The following PLCH1 variants were observed in gnomAD, a reference collection of about 807,000 sequenced individuals.
PLCH1 encodes phospholipase C eta 1, also known as 1-phosphatidylinositol 4,5-bisphosphate phosphodiesterase eta-1.
Under a neutral mutation model 126.7 loss-of-function variants are expected in PLCH1, and 60 were observed. That is an observed-to-expected ratio of 0.47 (90% confidence interval 0.38 to 0.59). PLCH1 has a LOEUF of 0.59. Among genes scored for constraint, PLCH1 ranks in the 20% least tolerant of loss-of-function variants. The pLI is 0.00. For synonymous variants in PLCH1, 719 were observed against 734.9 expected, an observed-to-expected ratio of 0.98 and a Z score of 0.35; for missense variants, 1,723 against 2,040.0, an observed-to-expected ratio of 0.84 and a Z score of 2.99.
At chr3:155,539,109 T>C (rs976416746) in intron 10 of PLCH1, among the ~76,000 whole-genome samples, 2 of 151,810 alleles carry the variant, frequency 1.3e-5, no homozygotes, top group African/African-American at 2.4e-5. Flanking sequence ...CATGTACAAG[T>C]CAATAAATGT....
chr3:155,494,396 G>A lies in PLCH1; in HGVS notation c.2016C>T (p.Tyr672=), dbSNP rs892490997. Reference sequence around the variant, plus strand: ...GGTTGAAGTTACTGGAATCAATGCGGTAGGCAGAGGGGTAAATCCTCGTGA... The same window carrying A: ...GGTTGAAGTTACTGGAATCAATGCGATAGGCAGAGGGGTAAATCCTCGTGA... ...KQLTRIYPSA[Y]RIDSSNFNPL... is the part of the protein sequence containing the mutation. The change falls in exon 16 of 23, where the codon TAC becomes TAT. Residue 672 remains tyrosine (Y), a synonymous_variant. Transcript: ENST00000460012. The A allele has an allele frequency of 1.1e-5, 17 of 1,614,006 alleles. No individual in the cohort carries two copies. Among genetic ancestry groups the A allele is most frequent in the Non-Finnish European group, 1.4e-5 (16 of 1,179,980 alleles).
chr3:155,506,327 C>G (rs1412775843), intron 12 of PLCH1, among the ~76,000 whole-genome samples: 1 of 148,310 alleles, frequency 6.7e-6, no homozygotes, highest in African/African-American at 2.5e-5. Context: ...CCAACATTTT[C>G]TATCCCATTC....
intron 8 of PLCH1, among the ~76,000 whole-genome samples, chr3:155,557,766 A>G (rs567194717): frequency 2.0e-5 from 3 of 152,140 alleles, no homozygotes; most frequent in Admixed American, 6.5e-5. Flanking sequence ...AAGCAAAGCA[A>G]CTCCAACAAA....
At chr3:155,537,221 A>C (rs1280708142) in intron 10 of PLCH1, among the ~76,000 whole-genome samples, 13 of 11,382 alleles carry the variant, frequency 1.1e-3, no homozygotes, top group South Asian at 2.3e-3. Flanking sequence ...AAAAAAAAAA[A>C]AAAAAAAAAA....
intron 2 of PLCH1, among the ~76,000 whole-genome samples, chr3:155,666,804 T>C (rs1468892918): frequency 6.6e-6 from 1 of 152,054 alleles, no homozygotes; most frequent in Non-Finnish European, 1.5e-5. Context: ...AAAGGGTAAA[T>C]ATACAAGGAA....
intron 10 of PLCH1, among the ~76,000 whole-genome samples, chr3:155,530,365 G>T (rs1202686177): frequency 6.9e-6 from 1 of 145,106 alleles, no homozygotes; most frequent in Non-Finnish European, 1.5e-5. Context: ...TCGCTCTGTC[G>T]CCCAGGCTGG....
In PLCH1 at chr3:155,592,484, G is replaced by GACTCCATC. The variant is rs200827497; in HGVS notation, c.470+1449_470+1456dup. Among the ~76,000 whole-genome samples, 722 of 84,968 alleles carry GACTCCATC rather than the reference G, an allele frequency of 8.5e-3. 14 individuals are homozygous for GACTCCATC. The highest frequency in any genetic ancestry group is 0.062 in the Middle Eastern group (8 of 130). 55.7% of individuals were successfully genotyped at this position (84,968 alleles called of 152,430 possible). On this transcript the variant is annotated intron_variant, in intron 4 of 22. Transcript: ENST00000460012. ...CACTCCAGCCTGGACGACAGAGCAA[G>GACTCCATC]ACTCCATCTCCAAAAAAAAAAAAAA...
At chr3:155,684,327 TC>T (rs1351543011) in intron 2 of PLCH1, among the ~76,000 whole-genome samples, 2 of 152,042 alleles carry the variant, frequency 1.3e-5, no homozygotes, top group Non-Finnish European at 2.9e-5. Flanking sequence ...AACAGCCACA[TC>T]TCTGGGAAGT....
intron 7 of PLCH1, among the ~76,000 whole-genome samples, chr3:155,565,706 T>A (rs568576250): frequency 2.2e-3 from 333 of 151,274 alleles, no homozygotes; most frequent in African/African-American, 6.9e-3. Context: ...TTATTTATTT[T>A]TTTTTTTGAG....
chr3:155,713,915 C>G (rs1454262273), intron 1 of PLCH1, among the ~76,000 whole-genome samples: 1 of 152,136 alleles, frequency 6.6e-6, no homozygotes, highest in Non-Finnish European at 1.5e-5. Flanking sequence ...ATTAAAATAA[C>G]CCTGAAAAAC....
chr3:155,695,827 G>A (rs562382491), intron 2 of PLCH1, among the ~76,000 whole-genome samples: 2 of 152,360 alleles, frequency 1.3e-5, no homozygotes, highest in East Asian at 1.9e-4. Context: ...TTGAAAGGAT[G>A]TGTTCGAAGT....
intron 9 of PLCH1, among the ~76,000 whole-genome samples, chr3:155,550,730 T>G (rs1267694151): frequency 2.7e-4 from 41 of 152,228 alleles, no homozygotes; most frequent in Admixed American, 2.5e-3. Context: ...TTCATTGACT[T>G]TTTTCTAGTT....
chr3:155,679,745 A>C (rs1442636343), intron 2 of PLCH1, among the ~76,000 whole-genome samples: 1 of 152,194 alleles, frequency 6.6e-6, no homozygotes, highest in African/African-American at 2.4e-5. Flanking sequence ...CATTTACCAG[A>C]CACCACTATG....
intron 2 of PLCH1, among the ~76,000 whole-genome samples, chr3:155,660,577 A>C (rs1241568415): frequency 6.6e-6 from 1 of 152,176 alleles, no homozygotes; most frequent in Admixed American, 6.5e-5. Flanking sequence ...TAATATCCTA[A>C]TTTTAAAGTG....
rs73011560 is a variant in PLCH1 at position 155,486,171 on chromosome 3, T to A, written c.2620-461A>T. On this transcript the variant is annotated intron_variant, in intron 21 of 22. Coordinates refer to ENST00000460012, the MANE Select transcript of PLCH1 (RefSeq NM_014996.4). ...CCTTTGTAGCTCCTAGAAAGTGCAA[T>A]ATAGTATAACTGGGGTTGAGTATTA... 3,368 of 1,547,234 alleles carry A rather than the reference T, an allele frequency of 2.2e-3. 62 individuals are homozygous for A. The African/African-American group carries it at 0.041, about 19-fold the overall frequency.
chr3:155,713,846 T>C (rs1444492281), intron 1 of PLCH1, among the ~76,000 whole-genome samples: 3 of 152,234 alleles, frequency 2.0e-5, no homozygotes. Context: ...AATATTCTAT[T>C]AATAAGGATT....
chr3:155,688,464 C>T (rs1240998667), intron 2 of PLCH1, among the ~76,000 whole-genome samples: 1 of 152,208 alleles, frequency 6.6e-6, no homozygotes, highest in Non-Finnish European at 1.5e-5. Context: ...CAGAAGCCTA[C>T]ACCATTCATC....
intron 2 of PLCH1, among the ~76,000 whole-genome samples, chr3:155,682,933 T>C (rs1744650325): frequency 6.6e-6 from 1 of 152,198 alleles, no homozygotes. Context: ...AGTGTTTTAC[T>C]CAGAGAGCAG....
Position 155,523,915 on chromosome 3 carries a change from G to A in PLCH1, c.1452C>T (p.Cys484=). Residue 484 remains cysteine, a synonymous_variant, in exon 11 of 23, where the codon TGC becomes TGT. Transcript: ENST00000460012. ...EDSADEIEDE[C]KFKLHYSNGT... ...AACTTACATAATGGAGCTTGAATTT[G>A]CACTCGTCTTCAATTTCATCTGCAC... 3 of 1,592,214 alleles carry A rather than the reference G, an allele frequency of 1.9e-6. No individual in the cohort carries two copies. Among genetic ancestry groups the A allele is most frequent in the Non-Finnish European group, 2.6e-6 (3 of 1,165,034 alleles).
Sources: gnomAD v4.1 joint callset for allele counts (sites outside exome capture counted in the v4.1 genomes callset) on GRCh38, gnomAD v4.1.1 for gene constraint, MANE v1.5 for transcripts, NCBI Gene and HGNC (gene_info 2026-07-23, HGNC 2026-07-21) for gene names.